NDST4: variants seen among roughly 807,000 people sequenced by gnomAD.
The protein encoded by NDST4 is N-deacetylase and N-sulfotransferase 4.
In NDST4, 63 loss-of-function variants were observed where a neutral mutation model predicts 100.8. That is an observed-to-expected ratio of 0.62 (90% CI 0.51 to 0.77). The LOEUF is 0.77. Among genes scored for constraint, NDST4 ranks in the 30% least tolerant of loss-of-function variants. The probability of loss-of-function intolerance (pLI) is 0.00; values close to 1 mark genes in which losing one functional copy is unlikely to be tolerated. For synonymous variants in NDST4, 377 were observed against 361.8 expected (o/e 1.04, Z -0.48); for missense variants, 943 against 1,018.4 (o/e 0.93, Z 1.01).
chr4:115,047,261 T>C (rs1318380581), intron 2 of NDST4, among the ~76,000 whole-genome samples: 1 of 152,140 alleles, frequency 6.6e-6, no homozygotes, highest in African/African-American at 2.4e-5. Context: ...TCAAACATTG[T>C]GTTTTAACAG....
At chr4:114,979,603 T>C (rs1237308503) in intron 2 of NDST4, among the ~76,000 whole-genome samples, 1 of 151,840 alleles carries the variant, frequency 6.6e-6, no homozygotes, top group Non-Finnish European at 1.5e-5. Context: ...ATCAGAACAA[T>C]ATAGATAGGA....
At chr4:115,035,650 G>C (rs1440252664) in intron 2 of NDST4, among the ~76,000 whole-genome samples, 1 of 152,002 alleles carries the variant, frequency 6.6e-6, no homozygotes, top group Non-Finnish European at 1.5e-5. Context: ...AGTTTTAAGA[G>C]AACATAATGC....
intron 2 of NDST4, among the ~76,000 whole-genome samples, chr4:115,004,388 A>C (rs1330716965): frequency 6.6e-6 from 1 of 152,186 alleles, no homozygotes; most frequent in Non-Finnish European, 1.5e-5. Flanking sequence ...CAAACAACAT[A>C]ATTCAGTTTT....
At chr4:114,991,438 C>A (rs1727037499) in intron 2 of NDST4, among the ~76,000 whole-genome samples, 1 of 151,958 alleles carries the variant, frequency 6.6e-6, no homozygotes, top group Non-Finnish European at 1.5e-5. Context: ...AAATATTTTA[C>A]CACTGAAAGT....
intron 2 of NDST4, among the ~76,000 whole-genome samples, chr4:115,044,089 C>A (rs1327530514): frequency 6.6e-6 from 1 of 152,020 alleles, no homozygotes; most frequent in African/African-American, 2.4e-5. Context: ...TTTTTCATGT[C>A]TCTTAGTTTG....
chr4:115,091,384 A>G lies in NDST4; in HGVS notation c.-246-14102T>C, dbSNP rs947269456. Among the ~76,000 whole-genome samples, 10 of 152,124 alleles carry G rather than the reference A, an allele frequency of 6.6e-5. No homozygotes were observed. In the East Asian group the frequency reaches 1.9e-3, roughly 29 times the overall value. ...TATTTTTTAAGAATCCAAAATCAACATAAAATGAACAATATGAACAACTTA... is the reference window on the plus strand; with the variant it reads ...TATTTTTTAAGAATCCAAAATCAACGTAAAATGAACAATATGAACAACTTA... On this transcript the variant is annotated intron_variant, in intron 1 of 13. Coordinates refer to ENST00000264363, the MANE Select transcript of NDST4 (RefSeq NM_022569.3).
intron 2 of NDST4, among the ~76,000 whole-genome samples, chr4:115,060,200 AG>A (rs1201125756): frequency 3.9e-5 from 6 of 151,950 alleles, no homozygotes; most frequent in Non-Finnish European, 7.4e-5. Context: ...TTTCTACAAA[AG>A]TTGCTAGGTA....
chr4:114,986,220 A>G (rs2126249139), intron 2 of NDST4, among the ~76,000 whole-genome samples: 1 of 152,344 alleles, frequency 6.6e-6, no homozygotes, highest in East Asian at 1.9e-4. Flanking sequence ...CTGATTATCA[A>G]AGAACACAAT....
intron 3 of NDST4, among the ~76,000 whole-genome samples, chr4:114,974,252 C>A (rs529548908): frequency 2.0e-5 from 3 of 151,392 alleles, no homozygotes; most frequent in African/African-American, 7.3e-5. Context: ...GGTCTTTTAA[C>A]TAATTCTCCA....
intron 9 of NDST4, 37 bp downstream of exon 9, chr4:114,848,178 G>T (rs1478682877): frequency 1.3e-6 from 2 of 1,557,696 alleles, no homozygotes; most frequent in Non-Finnish European, 1.7e-6. Context: ...TTGAGCATGT[G>T]TTAATAATGG....
intron 1 of NDST4, among the ~76,000 whole-genome samples, chr4:115,081,745 T>C (rs1729310695): frequency 6.6e-6 from 1 of 152,202 alleles, no homozygotes; most frequent in Non-Finnish European, 1.5e-5. Context: ...AATTAGTTTC[T>C]TCTTCAGGAA....
chr4:114,893,642 C>A (rs759907247), intron 6 of NDST4, among the ~76,000 whole-genome samples: 9 of 151,672 alleles, frequency 5.9e-5, no homozygotes, highest in Non-Finnish European at 1.3e-4. Flanking sequence ...GGATATTAGA[C>A]CTCTGTCATA....
intron 7 of NDST4, among the ~76,000 whole-genome samples, chr4:114,854,830 T>C (rs995943810): frequency 1.3e-5 from 2 of 152,182 alleles, no homozygotes; most frequent in African/African-American, 2.4e-5. Flanking sequence ...GGTAGTTCTA[T>C]TTTTCGTTTT....
At chr4:114,869,354 T>A (rs1478409439) in intron 7 of NDST4, among the ~76,000 whole-genome samples, 1 of 152,058 alleles carries the variant, frequency 6.6e-6, no homozygotes, top group Admixed American at 6.6e-5. Context: ...TTAATTTGTC[T>A]GATTTTTATT....
At chr4:115,098,734 A>C (rs868206974) in intron 1 of NDST4, among the ~76,000 whole-genome samples, 1 of 152,246 alleles carries the variant, frequency 6.6e-6, no homozygotes, top group African/African-American at 2.4e-5. Context: ...CCCCTCTGTC[A>C]CCCAGGCTGG....
chr4:115,052,681 CTG>C (rs1395416565), intron 2 of NDST4, among the ~76,000 whole-genome samples: 1 of 152,126 alleles, frequency 6.6e-6, no homozygotes, highest in Non-Finnish European at 1.5e-5. Context: ...CCATGTGGAA[CTG>C]TGAGTCAATT....
At chr4:115,110,642 G>C (rs1729934953) in intron 1 of NDST4, among the ~76,000 whole-genome samples, 1 of 151,832 alleles carries the variant, frequency 6.6e-6, no homozygotes, top group East Asian at 1.9e-4. Context: ...CAAGATCATG[G>C]TTAGATGATG....
intron 6 of NDST4, among the ~76,000 whole-genome samples, chr4:114,911,477 AT>A (rs991983857): frequency 6.6e-6 from 1 of 152,026 alleles, no homozygotes. Context: ...CTATTTCTTT[AT>A]TTTTTGTCAC....
At chr4:115,035,771 G>A (rs1177961782) in intron 2 of NDST4, among the ~76,000 whole-genome samples, 2 of 151,928 alleles carry the variant, frequency 1.3e-5, no homozygotes, top group African/African-American at 4.8e-5. Context: ...TAAACATAGT[G>A]AATATATCCA....
Sources: gnomAD v4.1 joint callset for allele counts (sites outside exome capture counted in the v4.1 genomes callset) on GRCh38, gnomAD v4.1.1 for gene constraint, MANE v1.5 for transcripts, NCBI Gene and HGNC (gene_info 2026-07-23, HGNC 2026-07-21) for gene names.